Variants in LARS2 observed in about 807,000 individuals in gnomAD.
LARS2 encodes leucyl-tRNA synthetase 2, mitochondrial, also known as leucine--tRNA ligase, mitochondrial.
Under a neutral mutation model 116.6 loss-of-function variants are expected in LARS2, and 81 were observed. That is an observed-to-expected ratio of 0.69 (90% CI 0.58 to 0.84). LARS2 has a LOEUF of 0.84. LARS2 is among the 40% of genes least tolerant of loss of function. The probability of loss-of-function intolerance (pLI) is 0.00; values close to 1 mark genes in which losing one functional copy is unlikely to be tolerated. For missense variants in LARS2, 968 were observed against 1,114.5 expected (o/e 0.87, Z 1.87); for synonymous variants, 396 against 407.2 (o/e 0.97, Z 0.33).
chr3:45,482,767 A>G (rs914764568), intron 10 of LARS2, among the ~76,000 whole-genome samples: 1 of 152,234 alleles, frequency 6.6e-6, no homozygotes, highest in African/African-American at 2.4e-5. Context: ...ACAGAGGCTT[A>G]AACAGGAGTT....
At chr3:45,473,774 C>T (rs1330955534) in intron 8 of LARS2, among the ~76,000 whole-genome samples, 1 of 151,266 alleles carries the variant, frequency 6.6e-6, no homozygotes, top group African/African-American at 2.4e-5. Flanking sequence ...GTCATGTTTC[C>T]CTTATATATT....
intron 20 of LARS2, among the ~76,000 whole-genome samples, chr3:45,528,901 A>T (rs1700574357): frequency 6.7e-6 from 1 of 149,512 alleles, no homozygotes; most frequent in Non-Finnish European, 1.5e-5. Flanking sequence ...ATGGAGTCTC[A>T]CTCTGTTGCC....
At chr3:45,434,837 T>C (rs1698774000) in intron 6 of LARS2, among the ~76,000 whole-genome samples, 1 of 152,180 alleles carries the variant, frequency 6.6e-6, no homozygotes, top group Non-Finnish European at 1.5e-5. Flanking sequence ...GGTCTCCTTG[T>C]TACTGCTGGA....
intron 20 of LARS2, among the ~76,000 whole-genome samples, chr3:45,540,844 G>A (rs1024130997): frequency 6.6e-6 from 1 of 152,010 alleles, no homozygotes. Flanking sequence ...GGACTGCAGT[G>A]GGGGAATCAT....
chr3:45,410,197 A>G (rs1156333263), intron 4 of LARS2, among the ~76,000 whole-genome samples: 1 of 152,214 alleles, frequency 6.6e-6, no homozygotes, highest in Non-Finnish European at 1.5e-5. Flanking sequence ...TTATTCTGCC[A>G]GTAACACAGC....
intron 7 of LARS2, among the ~76,000 whole-genome samples, chr3:45,450,644 T>C (rs1261466144): frequency 3.3e-5 from 5 of 152,378 alleles, no homozygotes; most frequent in East Asian, 1.9e-4. Flanking sequence ...GGTTGATTGA[T>C]ATCTTGGCTA....
At chr3:45,437,651 C>T (rs1698829418) in intron 6 of LARS2, among the ~76,000 whole-genome samples, 2 of 152,196 alleles carry the variant, frequency 1.3e-5, no homozygotes, top group African/African-American at 4.8e-5. Context: ...GACAAGAAAT[C>T]ATTTGTAGTG....
chr3:45,476,704 C>T (rs1006911924), intron 10 of LARS2, 77 bp downstream of exon 10: 7 of 1,474,856 alleles, frequency 4.7e-6, no homozygotes, highest in Non-Finnish European at 6.6e-6. Flanking sequence ...AGTTCAAGGT[C>T]CTTTCCTCTA....
rs71645922 is a variant in LARS2 at position 45,476,581 on chromosome 3, C to A, written c.972C>A (p.His324Gln). ...CCAGCCACAGACTCCTACATGGGCA[C>A]AGCTCTCTGAAGGAAGCCTTGAGGA... The part of the protein sequence containing the change: ...ISPSHRLLHG[H>Q]SSLKEALRMA... The change falls in exon 10 of 22, where the codon CAC (histidine) becomes CAA (glutamine). Residue 324 changes from histidine (H) to glutamine (Q), a missense_variant. By Grantham distance (24) the His-to-Gln change is conservative (BLOSUM62 0). Transcript: ENST00000645846. 0.032 allele frequency: 50,989 copies of A among 1,614,124 alleles called. 1,061 individuals carry two copies. The highest frequency in any genetic ancestry group is 0.038 in the Non-Finnish European group (44,311 of 1,179,970).
At chr3:45,506,513 C>T (rs1343414685) in intron 15 of LARS2, among the ~76,000 whole-genome samples, 2 of 152,082 alleles carry the variant, frequency 1.3e-5, no homozygotes, top group Non-Finnish European at 2.9e-5. Context: ...ATTTCCTAGT[C>T]TAGTTCTGTA....
Position 45,450,835 on chromosome 3 carries a change from A to G in LARS2, c.606+3855A>G, listed in dbSNP as rs570504667. On this transcript the variant is annotated intron_variant, in intron 7 of 21. Transcript: ENST00000645846. ...AGTGTATGAGGGTTCCCCTTTCTCCATATTCTCACCAGCATCTGTTACTCC... is the reference window on the plus strand; with the variant it reads ...AGTGTATGAGGGTTCCCCTTTCTCCGTATTCTCACCAGCATCTGTTACTCC... 1.2e-4 allele frequency among the ~76,000 whole-genome samples: 18 copies of G among 152,256 alleles called. No individual in the cohort carries two copies. The East Asian group carries it at 3.5e-3, about 29-fold the overall frequency.
At chr3:45,441,061 T>A (rs1698900406) in intron 6 of LARS2, among the ~76,000 whole-genome samples, 1 of 149,930 alleles carries the variant, frequency 6.7e-6, no homozygotes, top group Non-Finnish European at 1.5e-5. Flanking sequence ...AGTCTTGCTC[T>A]GTCGCCCAGG....
intron 20 of LARS2, among the ~76,000 whole-genome samples, chr3:45,529,218 G>C (rs924601527): frequency 6.6e-6 from 1 of 151,934 alleles, no homozygotes; most frequent in Non-Finnish European, 1.5e-5. Flanking sequence ...TTGAATTTAC[G>C]CACTCCCTAT....
Position 45,520,132 on chromosome 3 carries a change from C to CT in LARS2, c.2215-78dup, listed in dbSNP as rs564158098. The CT allele has an allele frequency of 4.8e-3, 4,203 of 870,678 alleles. 4 individuals carry two copies. The highest frequency in any genetic ancestry group is 5.4e-3 in the Non-Finnish European group (2,849 of 527,346). 53.9% of individuals were successfully genotyped at this position (870,678 alleles called of 1,614,324 possible). On this transcript the variant is annotated intron_variant, in intron 18 of 21. Coordinates refer to ENST00000645846, the MANE Select transcript of LARS2 (RefSeq NM_015340.4). The stretch of plus-strand genomic sequence containing the variant: ...ATATCTTTGCATCCCATTCATTTTC[C>CT]TTTTTTTTTGTTTTGATAATTCAGT...
At chr3:45,528,610 A>G (rs1002490367) in intron 20 of LARS2, among the ~76,000 whole-genome samples, 18 of 152,210 alleles carry the variant, frequency 1.2e-4, no homozygotes, top group Non-Finnish European at 2.5e-4. Flanking sequence ...AACCCCCAGC[A>G]TGACTAATCT....
At chr3:45,476,339 T>A (rs1699608503) in intron 9 of LARS2, 129 bp from the exon 10 acceptor site, 3 of 947,526 alleles carry the variant, frequency 3.2e-6, no homozygotes, top group Non-Finnish European at 5.0e-6. Context: ...CCCACACCCC[T>A]GGCCCAGTGG....
intron 2 of LARS2, among the ~76,000 whole-genome samples, chr3:45,392,192 C>G (rs185524821): frequency 1.3e-5 from 2 of 152,184 alleles, no homozygotes; most frequent in Admixed American, 1.3e-4. Context: ...TTAGGTCAGT[C>G]ATATGGAATT....
rs529776869 is a variant in LARS2, at chr3:45,517,773, C to G, written c.2045-130C>G. On this transcript the variant is annotated intron_variant, in intron 17 of 21. Transcript: ENST00000645846. ...CAGGGAGGATCCTTCAGCCTGCCCTCAGAGGAATCCATCAGGGTGCAGTGA... is the reference window on the plus strand; with the variant it reads ...CAGGGAGGATCCTTCAGCCTGCCCTGAGAGGAATCCATCAGGGTGCAGTGA... 188 of 677,676 alleles carry G rather than the reference C, an allele frequency of 2.8e-4. 1 individual carries two copies. The highest frequency in any genetic ancestry group is 2.0e-3 in the Middle Eastern group (7 of 3,492). 42.0% of individuals were successfully genotyped at this position (677,676 alleles called of 1,614,324 possible). A position where few individuals can be genotyped will look rare whatever the true frequency, so the allele number is the denominator to read the frequency against.
chr3:45,412,679 C>G (rs960790746), intron 4 of LARS2, among the ~76,000 whole-genome samples: 1 of 152,156 alleles, frequency 6.6e-6, no homozygotes, highest in Admixed American at 6.5e-5. Context: ...CCTGGAAATC[C>G]AAGGTGTCCC....
Sources: gnomAD v4.1 joint callset for allele counts (sites outside exome capture counted in the v4.1 genomes callset) on GRCh38, gnomAD v4.1.1 for gene constraint, MANE v1.5 for transcripts, NCBI Gene and HGNC (gene_info 2026-07-23, HGNC 2026-07-21) for gene names.